The following PTPN13 variants were observed in gnomAD, a reference collection of about 807,000 sequenced individuals.
PTPN13 encodes the protein protein tyrosine phosphatase non-receptor type 13, also known as tyrosine-protein phosphatase non-receptor type 13.
PTPN13 carries 191 observed loss-of-function variants against 284.0 expected under a neutral mutation model. The observed-to-expected ratio is 0.67, with a 90% confidence interval of 0.60 to 0.76. The LOEUF is 0.76. PTPN13 is among the 30% of genes least tolerant of loss of function. The probability of loss-of-function intolerance (pLI) is 0.00; values close to 1 mark genes in which losing one functional copy is unlikely to be tolerated. For missense variants in PTPN13, 2,797 were observed against 2,939.9 expected (o/e 0.95, Z 1.12); for synonymous variants, 986 against 1,022.3 (o/e 0.96, Z 0.68).
chr4:86,629,690 T>C (rs1011547580), intron 1 of PTPN13, among the ~76,000 whole-genome samples: 1 of 152,196 alleles, frequency 6.6e-6, no homozygotes, highest in African/African-American at 2.4e-5. Flanking sequence ...AAGACCTTAT[T>C]GTGTGCAGAA....
chr4:86,772,259 C>T (rs955532925), intron 31 of PTPN13, among the ~76,000 whole-genome samples: 2 of 152,064 alleles, frequency 1.3e-5, no homozygotes, highest in Non-Finnish European at 2.9e-5. Flanking sequence ...AGAGCTTCAT[C>T]AAAATAGAAC....
intron 1 of PTPN13, among the ~76,000 whole-genome samples, chr4:86,628,894 G>A (rs1205189403): frequency 6.0e-5 from 9 of 150,914 alleles, no homozygotes; most frequent in African/African-American, 2.2e-4. Context: ...TCTTAAACCA[G>A]TCTATCATTG....
Position 86,799,121 on chromosome 4 carries a change from AAAAG to A in PTPN13, c.6425_6428del (p.Lys2142ArgfsTer7). ...CATAGCTTAATTCAGAAGCCACAAG[AAAAG>A]AAGACTGATGATGATGAAATAACAT... On this transcript the variant is annotated frameshift_variant, in exon 42 of 48. Coordinates refer to ENST00000411767, the MANE Select transcript of PTPN13 (RefSeq NM_080683.3). LOFTEE classifies it high-confidence loss of function. The A allele has an allele frequency of 6.3e-7, 1 of 1,584,808 alleles. No homozygotes were observed. Among genetic ancestry groups the A allele is most frequent in the Non-Finnish European group, 8.6e-7 (1 of 1,167,394 alleles).
chr4:86,704,456 G>A (rs1731501833), intron 7 of PTPN13, among the ~76,000 whole-genome samples: 1 of 152,110 alleles, frequency 6.6e-6, no homozygotes, highest in African/African-American at 2.4e-5. Flanking sequence ...GACTATTGTA[G>A]CATATGATTC....
At chr4:86,602,509 A>T (rs192968983) in intron 1 of PTPN13, among the ~76,000 whole-genome samples, 2 of 152,214 alleles carry the variant, frequency 1.3e-5, no homozygotes, top group African/African-American at 2.4e-5. Flanking sequence ...TACAGGTAAT[A>T]TATGAACTTA....
At chr4:86,749,443 ATTGCTGC>A (rs1737147711) in intron 17 of PTPN13, among the ~76,000 whole-genome samples, 1 of 152,168 alleles carries the variant, frequency 6.6e-6, no homozygotes, top group African/African-American at 2.4e-5. Flanking sequence ...ACAACATAGA[ATTGCTGC>A]TTTCCAGAGG....
intron 1 of PTPN13, chr4:86,595,860 A>C: frequency 1.7e-6 from 1 of 597,716 alleles, no homozygotes; most frequent in Non-Finnish European, 2.1e-6. Flanking sequence ...GGGGGAGTAA[A>C]AGTGCATGTA....
chr4:86,759,256 G>T (rs1298076791), intron 23 of PTPN13, among the ~76,000 whole-genome samples, 183 bp downstream of exon 23: 1 of 152,094 alleles, frequency 6.6e-6, no homozygotes, highest in East Asian at 1.9e-4. Context: ...TTATCATTGT[G>T]TAGTTAATAT....
intron 9 of PTPN13, among the ~76,000 whole-genome samples, chr4:86,717,834 T>C (rs1408078410): frequency 6.6e-6 from 1 of 152,202 alleles, no homozygotes; most frequent in African/African-American, 2.4e-5. Context: ...GTGAGTAGGT[T>C]ACTACTAAGT....
At chr4:86,637,480 C>G (rs1027891659) in intron 2 of PTPN13, among the ~76,000 whole-genome samples, 5 of 151,664 alleles carry the variant, frequency 3.3e-5, no homozygotes, top group African/African-American at 1.2e-4. Context: ...GCTTATCCAC[C>G]ATGATCAAGT....
At chr4:86,741,267 A>G (rs150267125) in intron 15 of PTPN13, among the ~76,000 whole-genome samples, 1,732 of 152,312 alleles carry the variant, frequency 0.011, 21 homozygotes, top group Non-Finnish European at 0.018. Context: ...TACCTGAGAC[A>G]GGGCAATTTG....
intron 10 of PTPN13, among the ~76,000 whole-genome samples, chr4:86,731,943 G>A (rs550365656): frequency 1.3e-5 from 2 of 152,244 alleles, no homozygotes; most frequent in East Asian, 3.9e-4. Flanking sequence ...CATACCCTAC[G>A]ATCTGTTTTA....
chr4:86,796,947 A>G lies in PTPN13; in HGVS notation c.6401+18A>G, dbSNP rs752764482. 1.1e-5 allele frequency: 16 copies of G among 1,405,880 alleles called. No individual in the cohort carries two copies. The highest frequency in any genetic ancestry group is 2.9e-5 in the African/African-American group (2 of 69,844). 87.1% of individuals were successfully genotyped at this position (1,405,880 alleles called of 1,614,324 possible). ...AGTGAAAGGTGAGAAAATAATTTTC[A>G]AAGTATCCATAATGCTTCTGTCTAT... On this transcript the variant is annotated intron_variant, in intron 41 of 47. Transcript: ENST00000411767.
chr4:86,595,653 C>A (rs749810652), intron 1 of PTPN13: 19 of 643,652 alleles, frequency 3.0e-5, no homozygotes, highest in Non-Finnish European at 3.7e-5. Flanking sequence ...ATCTTTGAAA[C>A]AACAAACGCG....
intron 5 of PTPN13, 81 bp from the exon 6 acceptor site, chr4:86,693,506 A>T: frequency 1.3e-6 from 1 of 773,730 alleles, no homozygotes; most frequent in Non-Finnish European, 2.0e-6. Context: ...CTGTGTAACT[A>T]GTGTCATTCT....
In PTPN13 at chr4:86,594,611, C is replaced by T. The variant is rs1763409169; in HGVS notation, c.-184C>T. On this transcript the variant is annotated 5_prime_UTR_variant, in exon 1 of 48. Coordinates refer to ENST00000411767, the MANE Select transcript of PTPN13 (RefSeq NM_080683.3). The stretch of plus-strand genomic sequence containing the variant: ...AGGAGGAGGAGGAGATGCTGCTCCT[C>T]TTCTCCCCCTCCCCAGGCTCCTTCT... 6.6e-6 allele frequency: 1 copy of T among 152,222 alleles called. No homozygotes were observed. The allele number at this position is 152,222 out of a possible 1,614,324, so 9.4% of individuals were successfully genotyped here. A position where few individuals can be genotyped will look rare whatever the true frequency, so the allele number is the denominator to read the frequency against.
At chr4:86,771,559 G>A (rs764400661) in intron 31 of PTPN13, 24 bp downstream of exon 31, 46 of 1,527,752 alleles carry the variant, frequency 3.0e-5, no homozygotes, top group Non-Finnish European at 3.7e-5. Flanking sequence ...AATGTGAACC[G>A]CTCAAAGCAA....
intron 7 of PTPN13, among the ~76,000 whole-genome samples, chr4:86,712,297 G>A (rs904899116): frequency 1.3e-5 from 2 of 151,190 alleles, no homozygotes; most frequent in African/African-American, 4.9e-5. Flanking sequence ...CAGAACAGAG[G>A]AAGAAAACCA....
intron 35 of PTPN13, among the ~76,000 whole-genome samples, chr4:86,779,216 T>C (rs1159051707): frequency 6.6e-6 from 1 of 152,088 alleles, no homozygotes; most frequent in Admixed American, 6.6e-5. Context: ...CAGACTGCAA[T>C]GCCAGTTTCC....
Sources: allele counts gnomAD v4.1 joint callset (sites outside exome capture counted in the v4.1 genomes callset), GRCh38; gene constraint gnomAD v4.1.1; transcripts MANE v1.5; gene names NCBI Gene and HGNC (gene_info 2026-07-23, HGNC 2026-07-21).